CHRDL1: variants seen among roughly 807,000 people sequenced by gnomAD.
CHRDL1 encodes chordin like 1.
In CHRDL1, 19 loss-of-function variants were observed where a neutral mutation model predicts 40.9. The observed-to-expected ratio is 0.46, with a 90% CI of 0.32 to 0.68. CHRDL1 has a LOEUF of 0.68. Ranked by LOEUF, CHRDL1 falls within the 30% of genes least tolerant of loss-of-function variation. CHRDL1 has a pLI of 0.03. For missense variants in CHRDL1, 329 were observed against 352.1 expected (o/e 0.93, Z 0.53); for synonymous variants, 136 against 123.4 (o/e 1.10, Z -0.68).
At chrX:110,686,921 T>C (rs2070036787) in intron 9 of CHRDL1, among the ~76,000 whole-genome samples, 1 of 102,243 alleles carries the variant, frequency 9.8e-6, no homozygotes. Context: ...AAAAAGAATG[T>C]GTTCTCTCTG....
chrX:110,722,539 T>C (rs1429886606), intron 4 of CHRDL1, among the ~76,000 whole-genome samples: 1 of 111,687 alleles, frequency 9.0e-6, no homozygotes, highest in Non-Finnish European at 1.9e-5. Context: ...AATATGACAT[T>C]TGAATATTAT....
chrX:110,736,361 T>C (rs1276188630), intron 4 of CHRDL1, among the ~76,000 whole-genome samples: 1 of 112,016 alleles, frequency 8.9e-6, no homozygotes, highest in Non-Finnish European at 1.9e-5. Context: ...CATGGGATGG[T>C]GACAATTCCT....
At chrX:110,764,873 C>T (rs781222481) in intron 2 of CHRDL1, among the ~76,000 whole-genome samples, 1 of 110,951 alleles carries the variant, frequency 9.0e-6, no homozygotes, top group South Asian at 3.9e-4. Flanking sequence ...TCCTGCAGTA[C>T]CCTCAGGCTT....
At position 110,795,236 on chromosome X, in the gene CHRDL1, G is replaced by A. The variant is rs752651069; in HGVS notation, c.-35+508C>T. Among the ~76,000 whole-genome samples, 16 of 111,437 alleles carry A rather than the reference G, an allele frequency of 1.4e-4. No individual in the cohort carries two copies. The South Asian group carries it at 1.5e-3, about 11-fold the overall frequency. ...GCCCTATGTTCTGGCAATATACCAC[G>A]TTGCTTCCAGAGCCTAGTGTCTCAA... On this transcript the variant is annotated intron_variant, in intron 1 of 11. Transcript: ENST00000372042.
At chrX:110,687,771 G>A (rs1470750263) in intron 9 of CHRDL1, among the ~76,000 whole-genome samples, 1 of 111,703 alleles carries the variant, frequency 9.0e-6, no homozygotes, top group East Asian at 2.8e-4. Flanking sequence ...CCTGTGGCAA[G>A]ACAGAGATAG....
intron 2 of CHRDL1, among the ~76,000 whole-genome samples, chrX:110,773,806 G>T (rs955884485): frequency 9.1e-6 from 1 of 109,346 alleles, no homozygotes; most frequent in South Asian, 4.0e-4. Context: ...CCAGAATATG[G>T]TCTATTTTGG....
intron 4 of CHRDL1, among the ~76,000 whole-genome samples, chrX:110,740,078 T>G (rs2071334216): frequency 8.9e-6 from 1 of 112,498 alleles, no homozygotes; most frequent in Non-Finnish European, 1.9e-5. Context: ...ACTGTCCCAA[T>G]GCTTTAGTCC....
chrX:110,690,944 T>A (rs2070262702), intron 8 of CHRDL1, among the ~76,000 whole-genome samples: 1 of 111,084 alleles, frequency 9.0e-6, no homozygotes, highest in African/African-American at 3.3e-5. Context: ...GTGTGGTGGC[T>A]CCTGCCTGTA....
At chrX:110,781,016 T>C (rs1167146431) in intron 2 of CHRDL1, among the ~76,000 whole-genome samples, 1 of 111,194 alleles carries the variant, frequency 9.0e-6, no homozygotes, top group Non-Finnish European at 1.9e-5. Context: ...ACATTTTTTT[T>C]TGGTATAGAT....
Position 110,688,737 on chromosome X carries a change from C to T in CHRDL1, c.845G>A (p.Gly282Asp). Residue 282 changes from glycine (G) to aspartate (D), a missense_variant, in exon 9 of 12, where the codon GGC becomes GAC. Gly to Asp is a moderately conservative substitution (Grantham distance 94). Coordinates refer to ENST00000372042, the MANE Select transcript of CHRDL1 (RefSeq NM_001143981.2). ...ESWHPNLRAF[G>D]IVECVLCTCN... The stretch of plus-strand genomic sequence containing the variant: ...AGTACATAGCACACACTCCACAATG[C>T]CAAATGCCCGGAGGTTTGGGTGCCA... 8.3e-7 allele frequency: 1 copy of T among 1,209,911 alleles called. No homozygotes were observed. Among genetic ancestry groups the T allele is most frequent in the Non-Finnish European group, 1.1e-6 (1 of 894,609 alleles).
intron 4 of CHRDL1, among the ~76,000 whole-genome samples, chrX:110,733,909 C>G (rs1367825993): frequency 2.1e-5 from 1 of 46,549 alleles, no homozygotes. Context: ...ACAGCCTGGG[C>G]AACAAGAGCA....
At chrX:110,679,103 T>C (rs1439922196) in intron 11 of CHRDL1, among the ~76,000 whole-genome samples, 2 of 111,440 alleles carry the variant, frequency 1.8e-5, no homozygotes, top group East Asian at 2.8e-4. Context: ...ACCTGAGGTA[T>C]CCTATGCTCA....
chrX:110,727,018 G>A (rs996491300), intron 4 of CHRDL1, among the ~76,000 whole-genome samples: 2 of 111,987 alleles, frequency 1.8e-5, no homozygotes, highest in Non-Finnish European at 3.8e-5. Flanking sequence ...CTGACTTCAA[G>A]TAAAATCCTG....
At chrX:110,756,061 C>T (rs941058071) in intron 4 of CHRDL1, among the ~76,000 whole-genome samples, 7 of 112,229 alleles carry the variant, frequency 6.2e-5, no homozygotes, top group African/African-American at 2.3e-4. Flanking sequence ...AAGCTATTTA[C>T]TCTTGTTTTA....
At chrX:110,781,340 T>C (rs1043582076) in intron 2 of CHRDL1, among the ~76,000 whole-genome samples, 2 of 111,679 alleles carry the variant, frequency 1.8e-5, no homozygotes, top group African/African-American at 6.5e-5. Context: ...ATGGCATTAC[T>C]AGGTTAGCAT....
intron 2 of CHRDL1, among the ~76,000 whole-genome samples, chrX:110,767,960 C>T (rs749940692): frequency 1.8e-5 from 2 of 112,110 alleles, no homozygotes; most frequent in African/African-American, 6.5e-5. Flanking sequence ...GGAAGCATCA[C>T]GCTACCTGAT....
intron 4 of CHRDL1, among the ~76,000 whole-genome samples, chrX:110,758,696 G>C (rs1298633921): frequency 9.0e-6 from 1 of 111,651 alleles, no homozygotes; most frequent in Non-Finnish European, 1.9e-5. Flanking sequence ...CCTTAGCTGG[G>C]GTAGTGGTTC....
At chrX:110,679,288 A>G in intron 11 of CHRDL1, 48 bp downstream of exon 11, 1 of 917,941 alleles carries the variant, frequency 1.1e-6, no homozygotes, top group Non-Finnish European at 1.6e-6. Context: ...TGCTAAATTG[A>G]AAACTGAATG....
At chrX:110,705,120 A>G (rs978660436) in intron 6 of CHRDL1, among the ~76,000 whole-genome samples, 1 of 108,548 alleles carries the variant, frequency 9.2e-6, no homozygotes, top group African/African-American at 3.3e-5. Flanking sequence ...CAGAGAGGTA[A>G]GATGGAAAAT....
Sources: gnomAD v4.1 joint callset for allele counts (sites outside exome capture counted in the v4.1 genomes callset) on GRCh38, gnomAD v4.1.1 for gene constraint, MANE v1.5 for transcripts, NCBI Gene and HGNC (gene_info 2026-07-23, HGNC 2026-07-21) for gene names.